The following KIF26B variants were observed in gnomAD, a reference collection of about 807,000 sequenced individuals.
KIF26B encodes the protein kinesin-like protein KIF26B.
KIF26B carries 63 observed loss-of-function variants against 151.2 expected under a neutral mutation model. The ratio of observed to expected loss-of-function variants is 0.42; its 90% CI spans 0.34 to 0.51. The LOEUF (loss-of-function observed/expected upper bound fraction) is 0.51. KIF26B is among the 20% of genes least tolerant of loss of function. KIF26B has a pLI of 0.07. For synonymous variants in KIF26B, 1,357 were observed against 1,262.1 expected (o/e 1.08, Z -1.59); for missense variants, 2,813 against 2,913.6 (o/e 0.97, Z 0.79).
At chr1:245,552,431 A>G (rs1661910967) in intron 5 of KIF26B, among the ~76,000 whole-genome samples, 1 of 151,774 alleles carries the variant, frequency 6.6e-6, no homozygotes, top group Admixed American at 6.6e-5. Context: ...CTCATCTAAA[A>G]AAATACCTCC....
chr1:245,372,201 G>A (rs1175045364), intron 3 of KIF26B, among the ~76,000 whole-genome samples: 1 of 152,146 alleles, frequency 6.6e-6, no homozygotes, highest in East Asian at 1.9e-4. Context: ...ACTGTGAACT[G>A]TGCATGTGAG....
intron 5 of KIF26B, among the ~76,000 whole-genome samples, chr1:245,578,771 G>C (rs2043148325): frequency 6.6e-6 from 1 of 152,216 alleles, no homozygotes; most frequent in South Asian, 2.1e-4. Context: ...AGGTCCACCA[G>C]GCTGGTCCAA....
Position 245,429,396 on chromosome 1 carries a change from G to A in KIF26B, c.1166+9651G>A, listed in dbSNP as rs148403105. Among the ~76,000 whole-genome samples the A allele has an allele frequency of 8.5e-5, 13 of 152,126 alleles. No individual in the cohort carries two copies. The East Asian group carries it at 2.5e-3, about 29-fold the overall frequency. On this transcript the variant is annotated intron_variant, in intron 4 of 14. Coordinates refer to ENST00000407071, the MANE Select transcript of KIF26B (RefSeq NM_018012.4). ...CCTTCTGTGGCAATTATAAAGATCT[G>A]GTATCATGTCTCTGAGAACAAAAAC...
chr1:245,600,213 T>C (rs1475331268), intron 5 of KIF26B, among the ~76,000 whole-genome samples: 1 of 118,926 alleles, frequency 8.4e-6, no homozygotes, highest in East Asian at 2.6e-4. Context: ...TAATTTTTTG[T>C]ATTTTTAGTA....
chr1:245,685,717 G>T lies in KIF26B; in HGVS notation c.2734G>T (p.Ala912Ser), dbSNP rs760407561. ...DSRPAEAGEA[A>S]AGKSERDCLK... ...CCGGCCCGCAGAGGCAGGAGAGGCTGCAGCCGGCAAGTCAGAAAGGGACTG... is the reference window on the plus strand; with the variant it reads ...CCGGCCCGCAGAGGCAGGAGAGGCTTCAGCCGGCAAGTCAGAAAGGGACTG... Residue 912 changes from alanine to serine, a missense_variant, in exon 12 of 15, where the codon GCA becomes TCA. Transcript: ENST00000407071. The T allele has an allele frequency of 3.1e-6, 5 of 1,611,810 alleles. No individual in the cohort carries two copies. In the South Asian group the frequency reaches 5.5e-5, roughly 18 times the overall value.
At chr1:245,242,690 C>T (rs541088399) in intron 2 of KIF26B, among the ~76,000 whole-genome samples, 7 of 152,198 alleles carry the variant, frequency 4.6e-5, no homozygotes, top group Admixed American at 2.0e-4. Flanking sequence ...CTTGCTCTGT[C>T]GCCCAGGCTG....
At chr1:245,556,226 CTT>C (rs1273311240) in intron 5 of KIF26B, among the ~76,000 whole-genome samples, 33 of 131,964 alleles carry the variant, frequency 2.5e-4, no homozygotes, top group Admixed American at 7.6e-4. Context: ...TCCTCCTCCT[CTT>C]CTTCTTCTTC....
chr1:245,517,865 T>G lies in KIF26B; in HGVS notation c.1167-22902T>G, dbSNP rs532599246. On this transcript the variant is annotated intron_variant, in intron 4 of 14. Transcript: ENST00000407071. ...AGGACCATGAAAGTGAATGGTGTCA[T>G]GTAATTTTTTTTTTTTTTTTTTTTT... is the stretch of plus-strand genomic sequence containing the variant. Among the ~76,000 whole-genome samples, 15 of 145,532 alleles carry G rather than the reference T, an allele frequency of 1.0e-4. No individual in the cohort carries two copies. The East Asian group carries it at 3.2e-3, about 31-fold the overall frequency.
chr1:245,451,316 A>G (rs1166265755), intron 4 of KIF26B, among the ~76,000 whole-genome samples: 1 of 152,098 alleles, frequency 6.6e-6, no homozygotes, highest in African/African-American at 2.4e-5. Context: ...AAATTCTGCA[A>G]TTTGGGTTTG....
At chr1:245,582,802 C>T (rs968964649) in intron 5 of KIF26B, among the ~76,000 whole-genome samples, 4 of 152,126 alleles carry the variant, frequency 2.6e-5, no homozygotes. Flanking sequence ...AATAATATGC[C>T]CACCTTAGAG....
intron 2 of KIF26B, among the ~76,000 whole-genome samples, chr1:245,259,467 G>T (rs1005447572): frequency 2.6e-5 from 4 of 152,156 alleles, no homozygotes; most frequent in African/African-American, 9.7e-5. Flanking sequence ...CAGTTGTCAT[G>T]ATTCTAGAGA....
intron 4 of KIF26B, among the ~76,000 whole-genome samples, chr1:245,518,487 A>C (rs1661018646): frequency 6.6e-6 from 1 of 152,218 alleles, no homozygotes; most frequent in South Asian, 2.1e-4. Context: ...ATAAAGTCTA[A>C]ACAACTTGAT....
In KIF26B at chr1:245,156,512, C is replaced by A; in HGVS notation, c.294C>A (p.Gly98=). The change falls in exon 2 of 15, where the codon GGC becomes GGA. Residue 98 remains glycine (G), a synonymous_variant. Transcript: ENST00000407071. ...ASPGIGTSSP[G]SLGGSPGFGT... is the part of the protein sequence containing the mutation. ...CCGGCATCGGCACTAGTTCGCCGGGCTCCTTGGGCGGCTCTCCGGGCTTCG... is the reference window on the plus strand; with the variant it reads ...CCGGCATCGGCACTAGTTCGCCGGGATCCTTGGGCGGCTCTCCGGGCTTCG... 1 of 1,530,746 alleles carries A rather than the reference C, an allele frequency of 6.5e-7. No individual in the cohort carries two copies. The highest frequency in any genetic ancestry group is 1.4e-5 in the African/African-American group (1 of 71,804). 94.8% of individuals were successfully genotyped at this position (1,530,746 alleles called of 1,614,324 possible). A position where few individuals can be genotyped will look rare whatever the true frequency, so the allele number is the denominator to read the frequency against.
chr1:245,360,903 A>G (rs1416981064), intron 2 of KIF26B, among the ~76,000 whole-genome samples: 1 of 152,112 alleles, frequency 6.6e-6, no homozygotes, highest in Admixed American at 6.6e-5. Flanking sequence ...AGTCCCATCC[A>G]CTTGGGAGGC....
intron 5 of KIF26B, among the ~76,000 whole-genome samples, chr1:245,582,827 T>C (rs2043189039): frequency 6.6e-6 from 1 of 152,190 alleles, no homozygotes; most frequent in South Asian, 2.1e-4. Context: ...GCTGTCAGGA[T>C]TGCCACAGAG....
chr1:245,298,679 A>G (rs2364339), intron 2 of KIF26B, among the ~76,000 whole-genome samples: 41,662 of 152,208 alleles, frequency 0.27, 7,183 homozygotes, highest in Non-Finnish European at 0.37. Flanking sequence ...ACAGAAAATT[A>G]GTTTTCAGAA....
intron 2 of KIF26B, among the ~76,000 whole-genome samples, chr1:245,362,256 C>T (rs966072532): frequency 4.7e-5 from 7 of 148,830 alleles, no homozygotes; most frequent in Middle Eastern, 3.2e-3. Context: ...GGGCCGGGTG[C>T]GGTGGCTCAT....
In KIF26B at chr1:245,637,974, T is replaced by C. The variant is rs2043852762; in HGVS notation, c.2099-8147T>C. Among the ~76,000 whole-genome samples the C allele has an allele frequency of 2.0e-5, 3 of 152,148 alleles. No individual in the cohort carries two copies. The South Asian group carries it at 6.2e-4, about 32-fold the overall frequency. On this transcript the variant is annotated intron_variant, in intron 9 of 14. Transcript: ENST00000407071. ...TGGTTATTTTTGGTCAGTATTGATT[T>C]ATCTACTACGGGTTTTTTGTGATTC...
chr1:245,477,527 A>C (rs900087237), intron 4 of KIF26B, among the ~76,000 whole-genome samples: 6 of 151,860 alleles, frequency 4.0e-5, no homozygotes, highest in Admixed American at 2.6e-4. Context: ...AAGGTAGCGC[A>C]GGTACGGAAG....
Sources: gnomAD v4.1 joint callset for allele counts (sites outside exome capture counted in the v4.1 genomes callset) on GRCh38, gnomAD v4.1.1 for gene constraint, MANE v1.5 for transcripts, NCBI Gene and HGNC (gene_info 2026-07-23, HGNC 2026-07-21) for gene names.